Variants in ASL observed in about 807,000 individuals in gnomAD.
The protein encoded by ASL is argininosuccinase.
A neutral mutation model predicts 69.1 loss-of-function variants in ASL; 51 were observed. That is an observed-to-expected ratio of 0.74 (90% confidence interval 0.59 to 0.93). The LOEUF (loss-of-function observed/expected upper bound fraction) is 0.93. Among genes scored for constraint, ASL ranks in the 40% least tolerant of loss-of-function variants. The pLI is 0.00. For missense variants in ASL, 540 were observed against 623.9 expected, an observed-to-expected ratio of 0.87 and a Z score of 1.43; for synonymous variants, 241 against 247.6, an observed-to-expected ratio of 0.97 and a Z score of 0.25.
chr7:66,080,805 C>T (rs987326728), intron 2 of ASL, among the ~76,000 whole-genome samples: 2 of 152,150 alleles, frequency 1.3e-5, no homozygotes, highest in Non-Finnish European at 2.9e-5. Context: ...ACCCAGTGAC[C>T]TCCTAGAAGG....
At position 66,081,825 on chromosome 7, in the gene ASL, G is replaced by A. The variant is rs145138923; in HGVS notation, c.35G>A (p.Arg12Gln). 2,956 of 1,613,768 alleles carry A rather than the reference G, an allele frequency of 1.8e-3. 1 individual carries two copies. The highest frequency in any genetic ancestry group is 2.3e-3 in the Non-Finnish European group (2,713 of 1,179,922). ...CAGAGTGGGAAGCTTTGGGGTGGCCGGTTTGTGGGTGCAGTGGACCCCATC... is the reference window on the plus strand; with the variant it reads ...CAGAGTGGGAAGCTTTGGGGTGGCCAGTTTGTGGGTGCAGTGGACCCCATC... ...ASESGKLWGG[R>Q]FVGAVDPIME... is the part of the protein sequence containing the mutation. Residue 12 changes from arginine (R) to glutamine (Q), a missense_variant, in exon 3 of 17, where the codon CGG becomes CAG. By Grantham distance (43) the Arg-to-Gln change is conservative (BLOSUM62 1). Transcript: ENST00000304874.
chr7:66,089,517 A>G, intron 13 of ASL, 95 bp from the exon 14 acceptor site: 2 of 1,289,774 alleles, frequency 1.6e-6, no homozygotes, highest in East Asian at 5.6e-5. Context: ...TTCCCATGGA[A>G]GGCAGTGGGG....
intron 8 of ASL, 84 bp from the exon 9 acceptor site, chr7:66,087,250 G>A: frequency 5.8e-6 from 6 of 1,041,614 alleles, no homozygotes; most frequent in Non-Finnish European, 8.1e-6. Context: ...GTTCGTGTGT[G>A]TGTGTGTGTG....
chr7:66,088,741 GC>G, intron 10 of ASL, 65 bp from the exon 11 acceptor site: 2 of 1,400,258 alleles, frequency 1.4e-6, no homozygotes, highest in Non-Finnish European at 2.0e-6. Flanking sequence ...ACCTCCTCCT[GC>G]CCCCTGTATG....
chr7:66,092,694 CCTAG>C (rs1210905147), intron 16 of ASL, 31 bp downstream of exon 16: 1 of 1,613,560 alleles, frequency 6.2e-7, no homozygotes, highest in South Asian at 1.1e-5. Context: ...CATGCTGCCT[CCTAG>C]GAAGTGAGCC....
chr7:66,088,742 CCCCCTGT>C, intron 10 of ASL, 58 bp from the exon 11 acceptor site: 1 of 1,398,804 alleles, frequency 7.1e-7, no homozygotes, highest in Non-Finnish European at 1.0e-6. Flanking sequence ...CCTCCTCCTG[CCCCCTGT>C]ATGGTCAGGC....
rs2460432 is a variant in ASL, at chr7:66,089,398, C to T, written c.978+63C>T. 964,636 of 1,553,552 alleles carry T rather than the reference C, an allele frequency of 0.62. 302,282 individuals carry two copies. The highest frequency in any genetic ancestry group is 0.74 in the African/African-American group (54,674 of 73,428). ...TTCTCAGGGCTCTGGCACACTCAGG[C>T]AGGGCCCCACCCCGGGATTGCCATA... On this transcript the variant is annotated intron_variant, in intron 13 of 16. Transcript: ENST00000304874.
intron 2 of ASL, among the ~76,000 whole-genome samples, chr7:66,077,231 C>T (rs942402428): frequency 1.3e-5 from 2 of 152,118 alleles, no homozygotes; most frequent in African/African-American, 4.8e-5. Context: ...GAATTCCAGA[C>T]CAGCCAGGGC....
At chr7:66,085,672 A>C (rs576812475) in intron 6 of ASL, among the ~76,000 whole-genome samples, 22 of 151,608 alleles carry the variant, frequency 1.5e-4, no homozygotes, top group Non-Finnish European at 2.1e-4. Context: ...CAATGGTGCA[A>C]TCTCAACTCA....
At chr7:66,076,746 G>A (rs150418196) in intron 2 of ASL, among the ~76,000 whole-genome samples, 2 of 152,266 alleles carry the variant, frequency 1.3e-5, no homozygotes, top group African/African-American at 4.8e-5. Context: ...GGCAATGGGG[G>A]TAATAATAGC....
At chr7:66,082,842 G>A (rs559683668) in intron 4 of ASL, 38 bp from the exon 5 acceptor site, 2 of 1,612,414 alleles carry the variant, frequency 1.2e-6, no homozygotes, top group Admixed American at 1.7e-5. Context: ...CTCCTCTGGG[G>A]GTATAGACCG....
Position 66,092,002 on chromosome 7 carries a change from C to A in ASL, c.1063-4C>A. On this transcript the variant is annotated splice_polypyrimidine_tract_variant and splice_region_variant and intron_variant, in intron 14 of 16. Transcript: ENST00000304874. ...GCTCACCACTCGCCCACCTGTGCCCCCAGATTCACCAAGAGAACATGGGAC... is the reference window on the plus strand; with the variant it reads ...GCTCACCACTCGCCCACCTGTGCCCACAGATTCACCAAGAGAACATGGGAC... 6.2e-7 allele frequency: 1 copy of A among 1,613,502 alleles called. No individual in the cohort carries two copies. The highest frequency in any genetic ancestry group is 8.5e-7 in the Non-Finnish European group (1 of 1,180,020).
chr7:66,089,211 C>T (rs370805656), intron 12 of ASL, 36 bp downstream of exon 12: 146 of 1,612,658 alleles, frequency 9.1e-5, no homozygotes, highest in Non-Finnish European at 1.1e-4. Flanking sequence ...GGCCTCTGGG[C>T]TGATGGTGGG....
At chr7:66,082,802 T>C (rs1433242846) in intron 4 of ASL, 78 bp from the exon 5 acceptor site, 2 of 1,574,924 alleles carry the variant, frequency 1.3e-6, no homozygotes, top group East Asian at 4.5e-5. Flanking sequence ...TTGGCAGGGC[T>C]GATGAGGAAA....
In ASL at chr7:66,087,448, GAC is replaced by G. The variant is rs1176446303; in HGVS notation, c.655+67_655+68del. 38 of 1,577,682 alleles carry G rather than the reference GAC, an allele frequency of 2.4e-5. No individual in the cohort carries two copies. The East Asian group carries it at 8.5e-4, about 35-fold the overall frequency. On this transcript the variant is annotated intron_variant, in intron 9 of 16. Coordinates refer to ENST00000304874, the MANE Select transcript of ASL (RefSeq NM_000048.4). ...CCCTCAGCACCCGCCAAGACCTGCA[GAC>G]ACACCTGAAACCAGAGGGCAGGGGC... is the stretch of plus-strand genomic sequence containing the variant.
intron 1 of ASL, 49 bp from the exon 2 acceptor site, chr7:66,075,990 G>C (rs543143954): frequency 1.3e-6 from 2 of 1,524,960 alleles, no homozygotes; most frequent in African/African-American, 2.8e-5. Flanking sequence ...AGCCCGGCCC[G>C]GGGGACCCTG....
At chr7:66,083,802 C>T (rs1786582778) in intron 6 of ASL, among the ~76,000 whole-genome samples, 1 of 152,192 alleles carries the variant, frequency 6.6e-6, no homozygotes, top group African/African-American at 2.4e-5. Flanking sequence ...CCCCACACTG[C>T]CTGTCCCCCA....
At chr7:66,081,369 C>T (rs160657) in intron 2 of ASL, among the ~76,000 whole-genome samples, 15,853 of 152,082 alleles carry the variant, frequency 0.1, 1,011 homozygotes, top group South Asian at 0.2. Context: ...CACCTGAGGT[C>T]AGGAGTTCAA....
At chr7:66,088,781 T>C in intron 10 of ASL, 26 bp from the exon 11 acceptor site, 1 of 1,595,666 alleles carries the variant, frequency 6.3e-7, no homozygotes. Context: ...GGGAGAGGCC[T>C]GGTGACTGGG....
Sources: gnomAD v4.1 joint callset for allele counts (sites outside exome capture counted in the v4.1 genomes callset) on GRCh38, gnomAD v4.1.1 for gene constraint, MANE v1.5 for transcripts, NCBI Gene and HGNC (gene_info 2026-07-23, HGNC 2026-07-21) for gene names.